ARID1B: variants seen among roughly 807,000 people sequenced by gnomAD.
ARID1B encodes AT-rich interactive domain-containing protein 1B.
ARID1B carries 30 observed loss-of-function variants against 212.3 expected under a neutral mutation model. The ratio of observed to expected loss-of-function variants is 0.14; its 90% confidence interval spans 0.11 to 0.19. ARID1B has a LOEUF of 0.19. Ranked by LOEUF, ARID1B falls within the 10% of genes least tolerant of loss-of-function variation. ARID1B has a pLI of 1.00. For synonymous variants in ARID1B, 1,402 were observed against 1,301.7 expected, an observed-to-expected ratio of 1.08 and a Z score of -1.66; for missense variants, 2,891 against 3,204.0, an observed-to-expected ratio of 0.90 and a Z score of 2.36.
At chr6:157,113,668 A>G (rs1787105569) in intron 6 of ARID1B, among the ~76,000 whole-genome samples, 2 of 152,218 alleles carry the variant, frequency 1.3e-5, no homozygotes, top group Admixed American at 1.3e-4. Context: ...CCCCACCTCC[A>G]ACATTTGGGT....
intron 5 of ARID1B, among the ~76,000 whole-genome samples, chr6:157,093,785 G>A (rs1002298620): frequency 3.2e-4 from 49 of 152,310 alleles, no homozygotes; most frequent in African/African-American, 1.1e-3. Context: ...TTGAGTGTTG[G>A]ATATACCAGG....
intron 5 of ARID1B, among the ~76,000 whole-genome samples, chr6:157,109,296 T>C (rs979837496): frequency 3.3e-5 from 5 of 152,188 alleles, no homozygotes; most frequent in Non-Finnish European, 7.3e-5. Context: ...TTTTCTTTAT[T>C]ATTTGTAATT....
intron 4 of ARID1B, among the ~76,000 whole-genome samples, chr6:156,974,893 A>G (rs775886715): frequency 3.9e-5 from 6 of 152,208 alleles, no homozygotes; most frequent in Non-Finnish European, 7.3e-5. Context: ...AATATTTTAT[A>G]AACACCACTA....
At chr6:157,049,497 C>A (rs1396166603) in intron 4 of ARID1B, among the ~76,000 whole-genome samples, 5 of 152,158 alleles carry the variant, frequency 3.3e-5, no homozygotes, top group Non-Finnish European at 7.4e-5. Context: ...TTTCCCCTAG[C>A]TACACATGGC....
chr6:157,037,664 A>C (rs893402972), intron 4 of ARID1B, among the ~76,000 whole-genome samples: 4 of 152,186 alleles, frequency 2.6e-5, no homozygotes, highest in African/African-American at 9.7e-5. Flanking sequence ...ATGGTAAGCT[A>C]TTAAAAGATT....
chr6:157,064,437 A>G (rs1783544650), intron 4 of ARID1B, among the ~76,000 whole-genome samples: 1 of 152,196 alleles, frequency 6.6e-6, no homozygotes, highest in African/African-American at 2.4e-5. Context: ...AGTTTTTATG[A>G]TGATACGGAA....
chr6:156,985,617 C>A lies in ARID1B; in HGVS notation c.2247+50041C>A, dbSNP rs144143038. On this transcript the variant is annotated intron_variant, in intron 4 of 19. Transcript: ENST00000636930. ...TCCCTTTAGTGTTCAGCTTCCCATACATTAAAAGTTTTGCTTTTTATAAAC... is the reference window on the plus strand; with the variant it reads ...TCCCTTTAGTGTTCAGCTTCCCATAAATTAAAAGTTTTGCTTTTTATAAAC... 67 of 152,334 alleles carry A rather than the reference C, an allele frequency of 4.4e-4. 1 individual carries two copies. The highest frequency in any genetic ancestry group is 1.5e-3 in the African/African-American group (63 of 41,580). The allele number at this position is 152,334 out of a possible 1,614,324, so 9.4% of individuals were successfully genotyped here.
At chr6:157,047,634 T>TAAATTCCTTTTGTAAAA (rs1782325800) in intron 4 of ARID1B, among the ~76,000 whole-genome samples, 1 of 152,210 alleles carries the variant, frequency 6.6e-6, no homozygotes, top group Non-Finnish European at 1.5e-5. Flanking sequence ...AAAAAGACGT[T>TAAATTCCTTTTGTAAAA]AGGAATTAAA....
chr6:156,871,304 G>A (rs992254470), intron 2 of ARID1B, among the ~76,000 whole-genome samples: 1 of 152,194 alleles, frequency 6.6e-6, no homozygotes, highest in African/African-American at 2.4e-5. Context: ...CATCCAGTAG[G>A]TGATGGACAA....
At chr6:156,944,391 GGTCTCCCTCTT>G (rs1792904540) in intron 4 of ARID1B, among the ~76,000 whole-genome samples, 1 of 152,020 alleles carries the variant, frequency 6.6e-6, no homozygotes, top group Non-Finnish European at 1.5e-5. Flanking sequence ...ACCTTCCTGT[GGTCTCCCTCTT>G]CTTGTTCATC....
Position 157,206,191 on chromosome 6 carries a change from G to A in ARID1B, c.5419G>A (p.Val1807Ile). 1 of 1,614,126 alleles carries A rather than the reference G, an allele frequency of 6.2e-7. No homozygotes were observed. The highest frequency in any genetic ancestry group is 1.1e-5 in the South Asian group (1 of 91,076). The change falls in exon 20 of 20, where the codon GTC becomes ATC. Residue 1807 changes from valine (V) to isoleucine (I), a missense_variant. Around this residue, in one of 7 missense-constraint regions of ARID1B, gnomAD observed 332 missense variants for 369.2 expected, o/e 0.90. Coordinates refer to ENST00000636930, the MANE Select transcript of ARID1B (RefSeq NM_001374828.1). The surrounding 1 kb of genome is among the most constrained non-coding windows in gnomAD (Gnocchi z 6.8). Reference protein sequence around the residue: ...SQLSGFLELLVEYFRKCLIDI... With the variant: ...SQLSGFLELLIEYFRKCLIDI... ...GTTGTCTGGATTTCTCGAACTTTTA[G>A]TCGAGTACTTTAGAAAATGCCTGAT...
chr6:157,066,533 C>T (rs1242604645), intron 4 of ARID1B, among the ~76,000 whole-genome samples: 1 of 151,872 alleles, frequency 6.6e-6, no homozygotes, highest in African/African-American at 2.4e-5. Flanking sequence ...ATTTTTGGGC[C>T]AAAACACTGT....
chr6:156,960,336 C>T (rs893396484), intron 4 of ARID1B, among the ~76,000 whole-genome samples: 7 of 152,024 alleles, frequency 4.6e-5, no homozygotes, highest in Non-Finnish European at 7.4e-5. Context: ...GTATGATGGA[C>T]GTCCTTATTG....
rs772975321 is a variant in ARID1B at position 157,148,788 on chromosome 6, A to T, written c.2926A>T (p.Asn976Tyr). ...LGRMPSAGMQ[N>Y]RPFPGNMSSM... Reference sequence around the variant, plus strand: ...ACGAATGCCATCAGCTGGGATGCAGAACAGACCATTTCCTGGAAATATGAG... The same window carrying T: ...ACGAATGCCATCAGCTGGGATGCAGTACAGACCATTTCCTGGAAATATGAG... The change falls in exon 8 of 20, where the codon AAC (asparagine) becomes TAC (tyrosine). Residue 976 changes from asparagine to tyrosine, a missense_variant. Coordinates refer to ENST00000636930, the MANE Select transcript of ARID1B (RefSeq NM_001374828.1). The surrounding 1 kb of genome is among the most constrained non-coding windows in gnomAD (Gnocchi z 5.6). The T allele has an allele frequency of 6.2e-7, 1 of 1,613,040 alleles. No individual in the cohort carries two copies.
At chr6:156,969,120 GGTTCCAA>G (rs1286495312) in intron 4 of ARID1B, among the ~76,000 whole-genome samples, 2 of 152,180 alleles carry the variant, frequency 1.3e-5, no homozygotes. Flanking sequence ...ATGCATTCCA[GGTTCCAA>G]ACAATGTGAC....
chr6:157,063,333 C>T (rs193055163), intron 4 of ARID1B, among the ~76,000 whole-genome samples: 5 of 152,186 alleles, frequency 3.3e-5, no homozygotes, highest in Admixed American at 6.5e-5. Context: ...TTTTAACACA[C>T]CACCTTAAGA....
chr6:157,125,925 T>TGG (rs1788106141), intron 6 of ARID1B, among the ~76,000 whole-genome samples: 1 of 152,240 alleles, frequency 6.6e-6, no homozygotes, highest in African/African-American at 2.4e-5. Context: ...TTTTCCCTAT[T>TGG]GATAGGCTTT....
At chr6:157,106,849 C>T (rs973143927) in intron 5 of ARID1B, among the ~76,000 whole-genome samples, 4 of 152,100 alleles carry the variant, frequency 2.6e-5, no homozygotes, top group Admixed American at 1.3e-4. Flanking sequence ...TGGCTCTTCT[C>T]ACAATGGAAT....
At chr6:157,043,916 C>T (rs989665798) in intron 4 of ARID1B, among the ~76,000 whole-genome samples, 2 of 152,232 alleles carry the variant, frequency 1.3e-5, no homozygotes, top group Non-Finnish European at 2.9e-5. Flanking sequence ...TCATTCATAT[C>T]ACTCTACTTC....
Sources: gnomAD v4.1 joint callset for allele counts (sites outside exome capture counted in the v4.1 genomes callset) on GRCh38, gnomAD v4.1.1 for gene constraint, gnomAD v4.1.1 regional missense constraint, Gnocchi (gnomAD v3.1) non-coding constraint, MANE v1.5 for transcripts, NCBI Gene and HGNC (gene_info 2026-07-23, HGNC 2026-07-21) for gene names.